IHO1: variants seen among roughly 807,000 people sequenced by gnomAD.
The protein encoded by IHO1 is interactor of HORMAD1 protein 1.
A neutral mutation model predicts 31.0 loss-of-function variants in IHO1; 13 were observed. The observed-to-expected ratio is 0.42, with a 90% confidence interval of 0.27 to 0.67. IHO1 has a LOEUF of 0.67. IHO1 is among the 30% of genes least tolerant of loss of function. The probability of loss-of-function intolerance (pLI) is 0.24; values close to 1 mark genes in which losing one functional copy is unlikely to be tolerated. For missense variants in IHO1, 599 were observed against 687.5 expected (o/e 0.87, Z 1.44); for synonymous variants, 221 against 248.4 (o/e 0.89, Z 1.04).
rs575513424 is a variant in IHO1 at position 49,249,388 on chromosome 3, A to C, written c.532+4655A>C. ...CGGGTTCAAGCGATTCTCCTGCCTC[A>C]GCCTCCCAAGTAGCTGGGACTATAG... is the stretch of plus-strand genomic sequence containing the variant. On this transcript the variant is annotated intron_variant, in intron 6 of 7. Transcript: ENST00000452691. Among the ~76,000 whole-genome samples the C allele has an allele frequency of 2.6e-5, 4 of 151,842 alleles. No homozygotes were observed. The Middle Eastern group carries it at 0.01, about 387-fold the overall frequency.
chr3:49,193,299 G>A, the IHO1 span, among the ~76,000 whole-genome samples: 7 of 151,690 alleles, frequency 4.6e-5, no homozygotes, highest in African/African-American at 1.7e-4. Flanking sequence ...TTGAGCCCGG[G>A]AAGTGGAGAC....
intron 2 of IHO1, among the ~76,000 whole-genome samples, chr3:49,229,933 A>C (rs1370803237): frequency 1.1e-4 from 16 of 152,308 alleles, no homozygotes; most frequent in Non-Finnish European, 8.8e-5. Context: ...CAAAGTCAAC[A>C]TATGATGCAT....
chr3:49,253,656 G>A (rs2046788918), intron 6 of IHO1, among the ~76,000 whole-genome samples: 1 of 151,932 alleles, frequency 6.6e-6, no homozygotes, highest in South Asian at 2.1e-4. Flanking sequence ...CTAAATATCA[G>A]TTTCTTAGGG....
upstream of IHO1, among the ~76,000 whole-genome samples, chr3:49,195,861 G>A (rs1575558508): frequency 6.6e-6 from 1 of 151,722 alleles, no homozygotes; most frequent in East Asian, 1.9e-4. Context: ...CAGCACTTTG[G>A]GAGGCCAAGG....
intron 2 of IHO1, among the ~76,000 whole-genome samples, chr3:49,231,768 C>T (rs1033814520): frequency 6.6e-6 from 1 of 152,226 alleles, no homozygotes; most frequent in African/African-American, 2.4e-5. Context: ...ACTGCAATAT[C>T]TAATGCCAAA....
intron 5 of IHO1, 32 bp downstream of exon 5, chr3:49,244,484 C>A: frequency 6.9e-7 from 1 of 1,452,726 alleles, no homozygotes; most frequent in Non-Finnish European, 9.5e-7. Flanking sequence ...GGAGTTAGAA[C>A]ATCTTATATT....
chr3:49,237,660 G>A (rs1007820889), intron 3 of IHO1, among the ~76,000 whole-genome samples: 3 of 151,822 alleles, frequency 2.0e-5, no homozygotes, highest in Non-Finnish European at 4.4e-5. Context: ...GAATTTATAA[G>A]TAAAAATAGT....
At chr3:49,217,615 A>C (rs2107694214) in intron 2 of IHO1, among the ~76,000 whole-genome samples, 1 of 151,312 alleles carries the variant, frequency 6.6e-6, no homozygotes, top group East Asian at 2.0e-4. Context: ...CACGTTGTGC[A>C]CATGTACCCT....
chr3:49,238,027 C>G lies in IHO1; in HGVS notation c.231+1305C>G, dbSNP rs531324501. Among the ~76,000 whole-genome samples the G allele has an allele frequency of 1.8e-3, 270 of 150,062 alleles. 2 individuals are homozygous for G. Among genetic ancestry groups the G allele is most frequent in the African/African-American group, 6.4e-3 (262 of 40,954 alleles). Reference sequence around the variant, plus strand: ...TCAAGTAATTCTCCTGTCTCAGCCTCCCTAGTAGCTGGGATTATAGGTGTG... The same window carrying G: ...TCAAGTAATTCTCCTGTCTCAGCCTGCCTAGTAGCTGGGATTATAGGTGTG... On this transcript the variant is annotated intron_variant, in intron 3 of 7. Coordinates refer to ENST00000452691, the MANE Select transcript of IHO1 (RefSeq NM_001135197.2).
intron 1 of IHO1, among the ~76,000 whole-genome samples, chr3:49,205,784 T>TG (rs1375375937): frequency 1.3e-5 from 2 of 148,844 alleles, no homozygotes; most frequent in Non-Finnish European, 3.0e-5. Context: ...TTTTTTTTTT[T>TG]TGTGAGATGG....
chr3:49,218,833 A>T (rs2046318989), intron 2 of IHO1, among the ~76,000 whole-genome samples: 1 of 152,076 alleles, frequency 6.6e-6, no homozygotes, highest in South Asian at 2.1e-4. Flanking sequence ...TGACTAAAGC[A>T]CATCCGTGTA....
At chr3:49,196,680 AT>A (rs36095141), upstream of IHO1, among the ~76,000 whole-genome samples, 1 of 126,282 alleles carries the variant, frequency 7.9e-6, no homozygotes, top group Non-Finnish European at 1.7e-5. Context: ...TGATTGATTG[AT>A]TTTTTTTGAG....
intron 6 of IHO1, among the ~76,000 whole-genome samples, chr3:49,254,904 A>T (rs1330134246): frequency 6.6e-6 from 1 of 151,922 alleles, no homozygotes; most frequent in African/African-American, 2.4e-5. Context: ...TCTCTACTAA[A>T]AATACAAAAA....
upstream of IHO1, among the ~76,000 whole-genome samples, chr3:49,197,809 G>A (rs1199456819): frequency 1.3e-5 from 2 of 152,032 alleles, no homozygotes; most frequent in Non-Finnish European, 2.9e-5. Context: ...CAGAGGTGGA[G>A]GTTGTGGTGA....
chr3:49,255,549 A>G, intron 7 of IHO1, 56 bp downstream of exon 7: 1 of 890,300 alleles, frequency 1.1e-6, no homozygotes, highest in Non-Finnish European at 1.7e-6. Flanking sequence ...AACTAGACCC[A>G]GAGAGAAACT....
intron 6 of IHO1, 134 bp from the exon 7 acceptor site, chr3:49,255,256 A>G (rs2046808824): frequency 3.6e-6 from 2 of 560,956 alleles, no homozygotes. Flanking sequence ...GGAGGGAGGG[A>G]AGGAGAGCCT....
chr3:49,241,236 G>C lies in IHO1; in HGVS notation c.242G>C (p.Ser81Thr). 2 of 1,597,614 alleles carry C rather than the reference G, an allele frequency of 1.3e-6. No individual in the cohort carries two copies. The highest frequency in any genetic ancestry group is 1.1e-5 in the South Asian group (1 of 87,470). The change falls in exon 4 of 8, where the codon AGC becomes ACC. Residue 81 changes from serine (S) to threonine (T), a missense_variant. Coordinates refer to ENST00000452691, the MANE Select transcript of IHO1 (RefSeq NM_001135197.2). Reference protein sequence around the residue: ...SQQNYLEGEPSIFTKYQTKPQ... With the variant: ...SQQNYLEGEPTIFTKYQTKPQ... ...TTTTTCATTTAACAGGGTGAACCTA[G>C]CATTTTCACAAAGTACCAGACAAAG...
At position 49,244,689 on chromosome 3, in the gene IHO1, GA is replaced by G; in HGVS notation, c.490del (p.Ser164AlafsTer43). 1 of 1,614,186 alleles carries G rather than the reference GA, an allele frequency of 6.2e-7. No individual in the cohort carries two copies. Among genetic ancestry groups the G allele is most frequent in the Non-Finnish European group, 8.5e-7 (1 of 1,180,026 alleles). ...AAGTCTGAGGACCATCTCAGTTCAA[GA>G]AGCCAATCTATTTTGGATTCTTTGG... ...VEKSEDHLSS[R>X]SQSILDSLET... On this transcript the variant is annotated frameshift_variant, in exon 6 of 8. Transcript: ENST00000452691. LOFTEE classifies it high-confidence loss of function.
At position 49,257,483 on chromosome 3, in the gene IHO1, C is replaced by A; in HGVS notation, c.*201C>A. The A allele has an allele frequency of 1.8e-6, 1 of 563,882 alleles. No individual in the cohort carries two copies. The highest frequency in any genetic ancestry group is 3.1e-6 in the Non-Finnish European group (1 of 317,980). The allele number at this position is 563,882 out of a possible 1,614,324, so 34.9% of individuals were successfully genotyped here. A position where few individuals can be genotyped will look rare whatever the true frequency, so the allele number is the denominator to read the frequency against. ...GCCCCTGACAAGGATTAAGTGCATC[C>A]TTATTTATTGGAATGAAATGTGAAA... On this transcript the variant is annotated 3_prime_UTR_variant, in exon 8 of 8. Coordinates refer to ENST00000452691, the MANE Select transcript of IHO1 (RefSeq NM_001135197.2).
Sources: gnomAD v4.1 joint callset for allele counts (sites outside exome capture counted in the v4.1 genomes callset) on GRCh38, gnomAD v4.1.1 for gene constraint, MANE v1.5 for transcripts, NCBI Gene and HGNC (gene_info 2026-07-23, HGNC 2026-07-21) for gene names.